Variants in PRKCA observed in about 807,000 individuals in gnomAD.
The protein encoded by PRKCA is protein kinase C alpha type.
In PRKCA, 27 loss-of-function variants were observed where a neutral mutation model predicts 87.0. The ratio of observed to expected loss-of-function variants is 0.31; its 90% CI spans 0.23 to 0.43. PRKCA has a LOEUF of 0.43. PRKCA is among the 20% of genes least tolerant of loss of function. The pLI is 1.00. For synonymous variants in PRKCA, 329 were observed against 311.1 expected (o/e 1.06, Z -0.61); for missense variants, 518 against 852.3 (o/e 0.61, Z 4.88).
chr17:66,644,356 A>C (rs1243099915), intron 4 of PRKCA, among the ~76,000 whole-genome samples: 2 of 152,240 alleles, frequency 1.3e-5, no homozygotes, highest in Non-Finnish European at 2.9e-5. Context: ...TGATGATTAC[A>C]GAATAACCTT....
At chr17:66,400,152 C>CT (rs1393247820) in intron 2 of PRKCA, among the ~76,000 whole-genome samples, 1 of 151,982 alleles carries the variant, frequency 6.6e-6, no homozygotes, top group Non-Finnish European at 1.5e-5. Context: ...GTATATTCAC[C>CT]TTTTTTTGTT....
chr17:66,735,407 C>G, intron 9 of PRKCA, 82 bp from the exon 10 acceptor site: 1 of 1,430,778 alleles, frequency 7.0e-7, no homozygotes, highest in Non-Finnish European at 9.8e-7. Flanking sequence ...TGTCACTGAG[C>G]CGTCACCTGG....
chr17:66,419,426 A>G (rs891020996), intron 2 of PRKCA, among the ~76,000 whole-genome samples: 19 of 152,316 alleles, frequency 1.2e-4, no homozygotes, highest in Non-Finnish European at 2.6e-4. Context: ...TTTTAAGGTT[A>G]TATGTTCTTT....
At chr17:66,417,899 C>CT (rs1260564426) in intron 2 of PRKCA, among the ~76,000 whole-genome samples, 2 of 152,182 alleles carry the variant, frequency 1.3e-5, no homozygotes, top group East Asian at 3.9e-4. Flanking sequence ...TCTTAAACTA[C>CT]TTACCTCTTT....
chr17:66,573,844 C>T (rs1182234043), intron 3 of PRKCA, among the ~76,000 whole-genome samples: 1 of 152,142 alleles, frequency 6.6e-6, no homozygotes, highest in Non-Finnish European at 1.5e-5. Flanking sequence ...AAATGGCCTC[C>T]CTGGGCACAG....
chr17:66,742,235 T>G (rs1199814857), intron 12 of PRKCA, among the ~76,000 whole-genome samples: 1 of 152,216 alleles, frequency 6.6e-6, no homozygotes, highest in East Asian at 1.9e-4. Flanking sequence ...TATGACCCAG[T>G]GAAGTGGTTC....
chr17:66,688,517 T>C, intron 7 of PRKCA, 81 bp downstream of exon 7: 1 of 1,565,820 alleles, frequency 6.4e-7, no homozygotes, highest in Non-Finnish European at 8.7e-7. Flanking sequence ...CAAATGTCAG[T>C]TGAGGCTGGA....
In PRKCA at chr17:66,777,977, G is replaced by C. The variant is rs540373848; in HGVS notation, c.1605+3910G>C. On this transcript the variant is annotated intron_variant, in intron 14 of 16. Coordinates refer to ENST00000413366, the MANE Select transcript of PRKCA (RefSeq NM_002737.3). Reference sequence around the variant, plus strand: ...TTCTTCTGGCAGAGAAGTCCCCTTTGGGGGGTGCATTTTGAAGCTCTGCCA... The same window carrying C: ...TTCTTCTGGCAGAGAAGTCCCCTTTCGGGGGTGCATTTTGAAGCTCTGCCA... 3.1e-6 allele frequency: 3 copies of C among 975,678 alleles called. No homozygotes were observed. The African/African-American group carries it at 5.3e-5, about 17-fold the overall frequency. The allele number at this position is 975,678 out of a possible 1,614,324, so 60.4% of individuals were successfully genotyped here.
In PRKCA at chr17:66,689,416, T is replaced by G. The variant is rs1443514949; in HGVS notation, c.918+369T>G. Among the ~76,000 whole-genome samples, 3 of 152,222 alleles carry G rather than the reference T, an allele frequency of 2.0e-5. No homozygotes were observed. The highest frequency in any genetic ancestry group is 4.4e-5 in the Non-Finnish European group (3 of 68,036). ...AGGAGGAAGTCATTTTGGCCTTTCCTTGGGAGCTCATTTGTGTGTAATCAG... is the reference window on the plus strand; with the variant it reads ...AGGAGGAAGTCATTTTGGCCTTTCCGTGGGAGCTCATTTGTGTGTAATCAG... On this transcript the variant is annotated intron_variant, in intron 8 of 16. Coordinates refer to ENST00000413366, the MANE Select transcript of PRKCA (RefSeq NM_002737.3). The surrounding 1 kb of genome is among the most constrained non-coding windows in gnomAD (Gnocchi z 4.1).
intron 2 of PRKCA, among the ~76,000 whole-genome samples, chr17:66,346,379 G>C (rs1038333222): frequency 6.6e-6 from 1 of 151,496 alleles, no homozygotes; most frequent in East Asian, 2.0e-4. Context: ...TTACAGGCCT[G>C]AGCCACCACG....
chr17:66,509,874 G>C (rs1917146952), intron 3 of PRKCA, among the ~76,000 whole-genome samples: 1 of 151,992 alleles, frequency 6.6e-6, no homozygotes, highest in South Asian at 2.1e-4. Context: ...CTTATAGTAG[G>C]TGATCATTAA....
chr17:66,519,965 A>C (rs1253448765), intron 3 of PRKCA, among the ~76,000 whole-genome samples: 3 of 152,134 alleles, frequency 2.0e-5, no homozygotes, highest in Non-Finnish European at 2.9e-5. Flanking sequence ...TCACTGTTAA[A>C]ATAAGGTATT....
At chr17:66,571,588 AC>A (rs1028491981) in intron 3 of PRKCA, among the ~76,000 whole-genome samples, 7 of 152,352 alleles carry the variant, frequency 4.6e-5, no homozygotes, top group African/African-American at 1.2e-4. Context: ...AGGGAAAAAA[AC>A]CCCATGTTTT....
At chr17:66,515,785 T>C (rs1966949529) in intron 3 of PRKCA, among the ~76,000 whole-genome samples, 1 of 152,168 alleles carries the variant, frequency 6.6e-6, no homozygotes, top group South Asian at 2.1e-4. Context: ...GCTGAAGCAA[T>C]CCGCCCACCT....
chr17:66,330,254 C>G (rs567109382), intron 2 of PRKCA, among the ~76,000 whole-genome samples: 3 of 151,852 alleles, frequency 2.0e-5, no homozygotes, highest in African/African-American at 4.8e-5. Flanking sequence ...TACAGGTGCC[C>G]GCCACCACAC....
At chr17:66,518,324 A>T (rs1967038431) in intron 3 of PRKCA, among the ~76,000 whole-genome samples, 1 of 152,204 alleles carries the variant, frequency 6.6e-6, no homozygotes, top group African/African-American at 2.4e-5. Context: ...TGATTTGCTT[A>T]TACCACATTC....
chr17:66,803,823 C>T lies in PRKCA; in HGVS notation c.1855-50C>T, dbSNP rs368945968. Reference sequence around the variant, plus strand: ...GAGAGGGCCCTCGGAGAGCTGCTCCCGCATTGTCATGTTGACTGACCTTTC... The same window carrying T: ...GAGAGGGCCCTCGGAGAGCTGCTCCTGCATTGTCATGTTGACTGACCTTTC... On this transcript the variant is annotated intron_variant, in intron 16 of 16. Transcript: ENST00000413366. The surrounding 1 kb of genome is among the most constrained non-coding windows in gnomAD (Gnocchi z 4.4). The T allele has an allele frequency of 5.7e-4, 913 of 1,594,870 alleles. 5 individuals are homozygous for T. The South Asian group carries it at 6.6e-3, about 11-fold the overall frequency.
At chr17:66,802,761 A>G (rs887044479) in intron 16 of PRKCA, among the ~76,000 whole-genome samples, 1 of 152,160 alleles carries the variant, frequency 6.6e-6, no homozygotes, top group Admixed American at 6.5e-5. Context: ...AACTTGGTGG[A>G]CCCCACTTCA....
intron 3 of PRKCA, among the ~76,000 whole-genome samples, chr17:66,570,661 C>G (rs1215486565): frequency 1.3e-5 from 2 of 152,254 alleles, no homozygotes; most frequent in Admixed American, 1.3e-4. Context: ...TTCTGCCATG[C>G]CTTACTAGTT....
Sources: gnomAD v4.1 joint callset for allele counts (sites outside exome capture counted in the v4.1 genomes callset) on GRCh38, gnomAD v4.1.1 for gene constraint, Gnocchi (gnomAD v3.1) non-coding constraint, MANE v1.5 for transcripts, NCBI Gene and HGNC (gene_info 2026-07-23, HGNC 2026-07-21) for gene names.